ARSB: variants seen among roughly 807,000 people sequenced by gnomAD.
ARSB encodes the protein N-acetylgalactosamine-4-sulfatase.
In ARSB, 41 loss-of-function variants were observed where a neutral mutation model predicts 50.9. The ratio of observed to expected loss-of-function variants is 0.81; its 90% CI spans 0.63 to 1.04. The LOEUF (loss-of-function observed/expected upper bound fraction) is 1.04, where lower values mean the gene tolerates loss of function less well. Among genes scored for constraint, ARSB ranks in the 50% least tolerant of loss-of-function variants. The probability of loss-of-function intolerance (pLI) is 0.00; values close to 1 mark genes in which losing one functional copy is unlikely to be tolerated. For missense variants in ARSB, 672 were observed against 693.3 expected (o/e 0.97, Z 0.35); for synonymous variants, 269 against 284.8 (o/e 0.94, Z 0.56).
intron 4 of ARSB, among the ~76,000 whole-genome samples, chr5:78,949,112 G>T (rs967820450): frequency 6.6e-6 from 1 of 152,196 alleles, no homozygotes; most frequent in Non-Finnish European, 1.5e-5. Flanking sequence ...GCTGCAGGTG[G>T]TCCCCAGACA....
chr5:78,968,903 G>T, intron 2 of ARSB, 103 bp downstream of exon 2: 1 of 1,324,858 alleles, frequency 7.5e-7, no homozygotes, highest in Non-Finnish European at 1.1e-6. Context: ...GATTCACTCT[G>T]TGTTCAAATA....
At chr5:78,878,249 T>C (rs570469988) in intron 5 of ARSB, among the ~76,000 whole-genome samples, 6 of 152,204 alleles carry the variant, frequency 3.9e-5, no homozygotes, top group Non-Finnish European at 8.8e-5. Context: ...AAAATAATTC[T>C]AGAGTTCACC....
chr5:78,818,309 A>G (rs7703437), intron 6 of ARSB, among the ~76,000 whole-genome samples: 3 of 141,752 alleles, frequency 2.1e-5, no homozygotes, highest in African/African-American at 8.2e-5. Context: ...TACACAACTA[A>G]GATCTCTGTA....
intron 4 of ARSB, among the ~76,000 whole-genome samples, chr5:78,900,468 G>A (rs1397790654): frequency 6.6e-6 from 1 of 152,098 alleles, no homozygotes. Context: ...CAGAATTGAG[G>A]GAGATTTTCC....
At chr5:78,816,006 G>T (rs1405293667) in intron 6 of ARSB, 1 of 1,555,852 alleles carries the variant, frequency 6.4e-7, no homozygotes, top group East Asian at 2.5e-5. Context: ...CCGAGGCCTT[G>T]AGGGGCCCTT....
At chr5:78,901,722 C>T (rs575757030) in intron 4 of ARSB, among the ~76,000 whole-genome samples, 1 of 152,188 alleles carries the variant, frequency 6.6e-6, no homozygotes, top group South Asian at 2.1e-4. Flanking sequence ...TTTAAATAGA[C>T]ATTTCTCTAA....
intron 6 of ARSB, among the ~76,000 whole-genome samples, chr5:78,782,865 G>A (rs1748965323): frequency 6.6e-6 from 1 of 152,148 alleles, no homozygotes; most frequent in Non-Finnish European, 1.5e-5. Flanking sequence ...ACACAGCCAA[G>A]AGCAGACCAG....
chr5:78,886,768 T>TA (rs149134265), intron 4 of ARSB, among the ~76,000 whole-genome samples: 49 of 149,054 alleles, frequency 3.3e-4, no homozygotes, highest in East Asian at 2.3e-3. Flanking sequence ...CATTAAACTT[T>TA]AAAAAAAAAA....
intron 5 of ARSB, chr5:78,882,812 C>G (rs1439198373): frequency 1.0e-5 from 1 of 98,740 alleles, no homozygotes; most frequent in South Asian, 3.6e-4. Flanking sequence ...GAGACGGAGT[C>G]TTACTCTGTC....
chr5:78,903,909 TAAC>T (rs976710812), intron 4 of ARSB, among the ~76,000 whole-genome samples: 1 of 152,206 alleles, frequency 6.6e-6, no homozygotes, highest in Non-Finnish European at 1.5e-5. Context: ...TTATGGATTT[TAAC>T]AAATAGAGTC....
At position 78,778,564 on chromosome 5, in the gene ARSB, T is replaced by G. The variant is rs1459300523; in HGVS notation, c.*1833A>C. On this transcript the variant is annotated 3_prime_UTR_variant, in exon 8 of 8. Transcript: ENST00000264914. The stretch of plus-strand genomic sequence containing the variant: ...ACCTTGCTATAGAGTGTCCTGTGAC[T>G]GCCCAGTGATGTAGATTATGCTCCT... The G allele has an allele frequency of 1.3e-5, 2 of 152,250 alleles. No individual in the cohort carries two copies. Among genetic ancestry groups the G allele is most frequent in the East Asian group, 3.8e-4 (2 of 5,202 alleles). The allele number at this position is 152,250 out of a possible 1,614,324, so 9.4% of individuals were successfully genotyped here.
chr5:78,824,233 ATTCCT>A (rs1744345163), intron 6 of ARSB, among the ~76,000 whole-genome samples: 1 of 152,260 alleles, frequency 6.6e-6, no homozygotes, highest in East Asian at 1.9e-4. Flanking sequence ...AGTCTCAGAC[ATTCCT>A]TTACAGCAAC....
intron 4 of ARSB, among the ~76,000 whole-genome samples, chr5:78,946,096 G>A (rs74532289): frequency 0.035 from 5,364 of 152,232 alleles, 296 homozygotes; most frequent in African/African-American, 0.12. Flanking sequence ...ATCAACTTGC[G>A]TTTAACAGAT....
intron 4 of ARSB, among the ~76,000 whole-genome samples, chr5:78,892,338 C>G (rs1279248977): frequency 6.7e-6 from 1 of 148,548 alleles, no homozygotes; most frequent in Non-Finnish European, 1.5e-5. Context: ...TCACTGCAAC[C>G]TCCGCCTCCA....
chr5:78,929,256 T>C (rs1750203475), intron 4 of ARSB, among the ~76,000 whole-genome samples: 1 of 152,202 alleles, frequency 6.6e-6, no homozygotes, highest in South Asian at 2.1e-4. Flanking sequence ...GACATGTTTT[T>C]GGTCCCTCCT....
chr5:78,898,119 T>A (rs1415408644), intron 4 of ARSB, among the ~76,000 whole-genome samples: 4 of 151,924 alleles, frequency 2.6e-5, no homozygotes, highest in Non-Finnish European at 5.9e-5. Flanking sequence ...AATACAAAAA[T>A]TAGCCAGGTG....
At chr5:78,853,383 C>A (rs2112060735) in intron 5 of ARSB, among the ~76,000 whole-genome samples, 1 of 152,316 alleles carries the variant, frequency 6.6e-6, no homozygotes, top group Middle Eastern at 3.4e-3. Context: ...TTTTCGTGAA[C>A]CATGAATGCT....
intron 3 of ARSB, among the ~76,000 whole-genome samples, chr5:78,962,870 T>C (rs1254300583): frequency 6.6e-6 from 1 of 152,198 alleles, no homozygotes; most frequent in Non-Finnish European, 1.5e-5. Flanking sequence ...GGCATTTAAC[T>C]CATTCAGGGA....
chr5:78,863,506 G>C (rs1207686988), intron 5 of ARSB, among the ~76,000 whole-genome samples: 2 of 145,108 alleles, frequency 1.4e-5, no homozygotes, highest in African/African-American at 2.5e-5. Flanking sequence ...CTATAGCAAG[G>C]ACAGAAAACC....
Sources: allele counts gnomAD v4.1 joint callset (sites outside exome capture counted in the v4.1 genomes callset), GRCh38; gene constraint gnomAD v4.1.1; transcripts MANE v1.5; gene names NCBI Gene and HGNC (gene_info 2026-07-23, HGNC 2026-07-21).